ATF7: variants seen among roughly 807,000 people sequenced by gnomAD.
ATF7 encodes the protein activating transcription factor 7.
ATF7 carries 10 observed loss-of-function variants against 50.4 expected under a neutral mutation model. The observed-to-expected ratio is 0.20, with a 90% CI of 0.12 to 0.34. The LOEUF is 0.34. Ranked by LOEUF, ATF7 falls within the 10% of genes least tolerant of loss-of-function variation. The pLI is 1.00. For synonymous variants in ATF7, 201 were observed against 226.4 expected (o/e 0.89, Z 1.01); for missense variants, 465 against 613.9 (o/e 0.76, Z 2.56).
intron 2 of ATF7, among the ~76,000 whole-genome samples, chr12:53,577,329 AAAG>A (rs1942128498): frequency 6.6e-6 from 1 of 152,154 alleles, no homozygotes; most frequent in African/African-American, 2.4e-5. Flanking sequence ...AAAGCTAAGA[AAAG>A]AAGAACTAAA....
rs1944170157 is a variant in ATF7, at chr12:53,617,189, A to G, written c.-22+9090T>C. On this transcript the variant is annotated intron_variant, in intron 1 of 11. Transcript: ENST00000420353. ...AAACGCATGTCACCACACTCAGCTA[A>G]TTTTTGTATTTTTTATAGAGACAGG... 2.6e-5 allele frequency among the ~76,000 whole-genome samples: 4 copies of G among 151,694 alleles called. No individual in the cohort carries two copies. The South Asian group carries it at 8.3e-4, about 32-fold the overall frequency.
chr12:53,580,875 G>T (rs1440432687), intron 2 of ATF7, among the ~76,000 whole-genome samples: 1 of 151,942 alleles, frequency 6.6e-6, no homozygotes, highest in Non-Finnish European at 1.5e-5. Context: ...ACTTTGGGAG[G>T]CCAAGGTGGG....
At chr12:53,561,208 C>G (rs890396675) in intron 2 of ATF7, among the ~76,000 whole-genome samples, 1 of 151,546 alleles carries the variant, frequency 6.6e-6, no homozygotes, top group Non-Finnish European at 1.5e-5. Context: ...TTCCAAAGAG[C>G]TGGGTTTATC....
At chr12:53,586,825 G>A (rs895637736) in intron 2 of ATF7, among the ~76,000 whole-genome samples, 7 of 151,886 alleles carry the variant, frequency 4.6e-5, no homozygotes, top group Admixed American at 3.3e-4. Flanking sequence ...ACACGTGCAC[G>A]CTCACACACA....
chr12:53,528,529 G>A (rs187457466), intron 9 of ATF7, among the ~76,000 whole-genome samples: 273 of 152,248 alleles, frequency 1.8e-3, no homozygotes, highest in African/African-American at 6.4e-3. Flanking sequence ...TTGGGAGGCT[G>A]AGGCGAGTGG....
chr12:53,620,846 T>C (rs1428132485), intron 1 of ATF7, among the ~76,000 whole-genome samples: 2 of 149,028 alleles, frequency 1.3e-5, no homozygotes, highest in African/African-American at 2.4e-5. Context: ...GTTAATTTTC[T>C]ATAATTATTT....
chr12:53,542,293 G>A (rs1046583243), intron 4 of ATF7, among the ~76,000 whole-genome samples: 3 of 151,668 alleles, frequency 2.0e-5, no homozygotes, highest in Admixed American at 6.6e-5. Context: ...CAGGTGTGGT[G>A]GTGGGCGCCT....
At chr12:53,535,875 T>C (rs1469332958) in intron 5 of ATF7, among the ~76,000 whole-genome samples, 1 of 152,100 alleles carries the variant, frequency 6.6e-6, no homozygotes, top group Non-Finnish European at 1.5e-5. Context: ...ACTTTTAGGC[T>C]GGGTGCGGTG....
intron 1 of ATF7, among the ~76,000 whole-genome samples, chr12:53,612,418 C>T (rs1291842432): frequency 5.9e-5 from 9 of 152,276 alleles, no homozygotes; most frequent in East Asian, 1.9e-4. Flanking sequence ...GGACTACAGG[C>T]GTGTGCCATC....
At chr12:53,556,829 G>C (rs1940788677) in intron 2 of ATF7, among the ~76,000 whole-genome samples, 1 of 151,954 alleles carries the variant, frequency 6.6e-6, no homozygotes, top group Non-Finnish European at 1.5e-5. Context: ...ACCCCCATAA[G>C]AAAAAAAGAA....
At chr12:53,534,053 G>A (rs1224403836) in intron 6 of ATF7, among the ~76,000 whole-genome samples, 3 of 152,204 alleles carry the variant, frequency 2.0e-5, no homozygotes, top group Admixed American at 6.5e-5. Context: ...AGAGGCAGGC[G>A]GATCACGAGG....
intron 9 of ATF7, chr12:53,525,122 G>C (rs986724077): frequency 5.6e-6 from 1 of 177,586 alleles, no homozygotes; most frequent in Non-Finnish European, 1.2e-5. Flanking sequence ...GGGAGGCCGA[G>C]GCGGGCAGAT....
intron 3 of ATF7, among the ~76,000 whole-genome samples, chr12:53,545,416 A>C (rs1442714090): frequency 6.6e-6 from 1 of 152,024 alleles, no homozygotes; most frequent in African/African-American, 2.4e-5. Flanking sequence ...GCCTCACCGT[A>C]ATCTCTGCCT....
chr12:53,590,015 T>A (rs1360287532), intron 2 of ATF7, among the ~76,000 whole-genome samples: 3 of 152,146 alleles, frequency 2.0e-5, no homozygotes, highest in East Asian at 3.9e-4. Flanking sequence ...GCAATCCTCC[T>A]GCCTTGGCCT....
At position 53,534,105 on chromosome 12, in the gene ATF7, G is replaced by A. The variant is rs534490816; in HGVS notation, c.560+397C>T. Among the ~76,000 whole-genome samples, 10 of 152,196 alleles carry A rather than the reference G, an allele frequency of 6.6e-5. No individual in the cohort carries two copies. The South Asian group carries it at 1.5e-3, about 22-fold the overall frequency. ...GTCCTGGCTAACACGGTGAAACCCC[G>A]TCTCTACTAAAAATACAAAAAATTA... On this transcript the variant is annotated intron_variant, in intron 6 of 11. Transcript: ENST00000420353.
At chr12:53,586,344 GACAAATGTCTGAAGTTATGA>G (rs1165602841) in intron 2 of ATF7, among the ~76,000 whole-genome samples, 1 of 151,674 alleles carries the variant, frequency 6.6e-6, no homozygotes, top group Admixed American at 6.6e-5. Context: ...GAAGTAAAAT[GACAAATGTCTGAAGTTATGA>G]ACATAATGTA....
chr12:53,606,371 C>G (rs1943606335), intron 1 of ATF7, among the ~76,000 whole-genome samples: 1 of 152,058 alleles, frequency 6.6e-6, no homozygotes, highest in African/African-American at 2.4e-5. Flanking sequence ...ACCTCAGCCT[C>G]CCAAGTAGCT....
chr12:53,530,860 C>T (rs993365435), intron 9 of ATF7, among the ~76,000 whole-genome samples: 5 of 152,076 alleles, frequency 3.3e-5, no homozygotes, highest in Admixed American at 6.6e-5. Context: ...CCGCCTGCCT[C>T]GGCCTCCCAA....
chr12:53,523,088 T>C (rs1938221870), intron 11 of ATF7, 188 bp downstream of exon 11: 1 of 535,362 alleles, frequency 1.9e-6, no homozygotes, highest in Non-Finnish European at 3.3e-6. Context: ...CTATAACAGA[T>C]AATTAGCTCT....
Sources: allele counts gnomAD v4.1 joint callset (sites outside exome capture counted in the v4.1 genomes callset), GRCh38; gene constraint gnomAD v4.1.1; transcripts MANE v1.5; gene names NCBI Gene and HGNC (gene_info 2026-07-23, HGNC 2026-07-21).